Variants in COL10A1 observed in about 807,000 individuals in gnomAD.
COL10A1 encodes the protein collagen type X alpha 1 chain.
Under a neutral mutation model 18.2 loss-of-function variants are expected in COL10A1, and 10 were observed. The ratio of observed to expected loss-of-function variants is 0.55; its 90% CI spans 0.34 to 0.93. The LOEUF (loss-of-function observed/expected upper bound fraction) is 0.93. COL10A1 is among the 40% of genes least tolerant of loss of function. COL10A1 has a pLI of 0.02. For missense variants in COL10A1, 897 were observed against 853.5 expected (o/e 1.05, Z -0.64); for synonymous variants, 330 against 316.6 (o/e 1.04, Z -0.45).
At chr6:116,153,893 G>A (rs963240274) in intron 1 of COL10A1, among the ~76,000 whole-genome samples, 2 of 152,016 alleles carry the variant, frequency 1.3e-5, no homozygotes, top group Non-Finnish European at 2.9e-5. Context: ...AGCATCAAAA[G>A]GAAAAGTAAA....
In COL10A1 at chr6:116,120,013, G is replaced by C. The variant is rs556062076; in HGVS notation, c.*60C>G. ...CCTACCTCCATATGCATTTTGTAGG[G>C]TGGGGTAGAGTTAGAGAATGCTTTT... On this transcript the variant is annotated 3_prime_UTR_variant, in exon 3 of 3. Transcript: ENST00000651968. The C allele has an allele frequency of 7.3e-7, 1 of 1,375,262 alleles. No homozygotes were observed. Among genetic ancestry groups the C allele is most frequent in the East Asian group, 2.3e-5 (1 of 43,672 alleles). The allele number at this position is 1,375,262 out of a possible 1,614,324, so 85.2% of individuals were successfully genotyped here.
At chr6:116,205,195 A>T in the COL10A1 span, among the ~76,000 whole-genome samples, 774 of 152,084 alleles carry the variant, frequency 5.1e-3, 7 homozygotes, top group African/African-American at 0.017. Flanking sequence ...CCATGTCTTC[A>T]GGCTGCTAAA....
intron 1 of COL10A1, 123 bp from the exon 2 acceptor site, chr6:116,125,630 A>G: frequency 1.3e-6 from 1 of 773,904 alleles, no homozygotes; most frequent in South Asian, 1.8e-5. Context: ...ATATATTTTT[A>G]ATATGTGCCA....
the COL10A1 span, among the ~76,000 whole-genome samples, chr6:116,167,124 A>G: frequency 3.1e-4 from 47 of 151,606 alleles, no homozygotes; most frequent in Admixed American, 9.9e-4. Flanking sequence ...GATGATTTGT[A>G]TATGTTCAAC....
At chr6:116,145,596 T>A in intron 1 of COL10A1, 1 of 182,524 alleles carries the variant, frequency 5.5e-6, no homozygotes, top group Non-Finnish European at 1.2e-5. Context: ...ACCTCTTACC[T>A]AATATTTGTT....
chr6:116,149,005 G>A (rs2114390406), intron 1 of COL10A1, among the ~76,000 whole-genome samples: 1 of 152,252 alleles, frequency 6.6e-6, no homozygotes, highest in East Asian at 1.9e-4. Context: ...ACAATTCTTT[G>A]TAGACTTTCC....
the COL10A1 span, among the ~76,000 whole-genome samples, chr6:116,171,326 G>A: frequency 2.6e-5 from 4 of 152,058 alleles, no homozygotes; most frequent in Non-Finnish European, 4.4e-5. Flanking sequence ...GACTAGAAAA[G>A]CATTATTTTG....
the COL10A1 span, among the ~76,000 whole-genome samples, chr6:116,192,770 T>C: frequency 2.0e-5 from 3 of 152,080 alleles, no homozygotes; most frequent in Middle Eastern, 3.2e-3. Context: ...TATTTCTGTG[T>C]GCACATTTCC....
chr6:116,169,825 A>G, the COL10A1 span, among the ~76,000 whole-genome samples: 1 of 152,210 alleles, frequency 6.6e-6, no homozygotes, highest in Admixed American at 6.5e-5. Flanking sequence ...TGTATAGATG[A>G]TATTTATGAA....
the COL10A1 span, among the ~76,000 whole-genome samples, chr6:116,180,534 T>C: frequency 6.6e-6 from 1 of 152,134 alleles, no homozygotes; most frequent in Non-Finnish European, 1.5e-5. Flanking sequence ...CCTGAACTTA[T>C]TGCTTAATCT....
At chr6:116,126,783 A>C (rs1384303802), upstream of COL10A1, among the ~76,000 whole-genome samples, 1 of 152,170 alleles carries the variant, frequency 6.6e-6, no homozygotes, top group Non-Finnish European at 1.5e-5. Flanking sequence ...ATCTCATATT[A>C]TGTTAATTTA....
chr6:116,192,197 A>G, the COL10A1 span, among the ~76,000 whole-genome samples: 1 of 151,934 alleles, frequency 6.6e-6, no homozygotes, highest in Non-Finnish European at 1.5e-5. Context: ...CAGTTAATTA[A>G]CCTCTGTAAG....
At chr6:116,180,160 TAC>T in the COL10A1 span, among the ~76,000 whole-genome samples, 1 of 152,100 alleles carries the variant, frequency 6.6e-6, no homozygotes, top group African/African-American at 2.4e-5. Context: ...TTATTTTAAT[TAC>T]AGAGATAGTA....
At chr6:116,169,872 G>T in the COL10A1 span, among the ~76,000 whole-genome samples, 1 of 152,172 alleles carries the variant, frequency 6.6e-6, no homozygotes. Flanking sequence ...TGATAATCCA[G>T]CATTTATAGT....
Position 116,158,417 on chromosome 6 carries a change from C to T in COL10A1, c.-16+197G>A, listed in dbSNP as rs559337462. ...ATAAATGATTTACTTTTTATTTAAC[C>T]TTTGCTTAGTGAAGACAAGAAGATA... On this transcript the variant is annotated intron_variant, in intron 1 of 1. Coordinates refer to the COL10A1 transcript ENST00000418500. 3.3e-5 allele frequency among the ~76,000 whole-genome samples: 5 copies of T among 152,096 alleles called. No individual in the cohort carries two copies. In the South Asian group the frequency reaches 6.2e-4, roughly 19 times the overall value.
the COL10A1 span, among the ~76,000 whole-genome samples, chr6:116,172,640 C>G: frequency 6.6e-6 from 1 of 152,016 alleles, no homozygotes; most frequent in East Asian, 1.9e-4. Flanking sequence ...AACATATATA[C>G]TTTGTAAGGA....
the COL10A1 span, among the ~76,000 whole-genome samples, chr6:116,195,088 C>A: frequency 2.0e-5 from 3 of 152,030 alleles, no homozygotes; most frequent in Non-Finnish European, 4.4e-5. Context: ...TTTTTGCTTG[C>A]CAGCCTAGGA....
At chr6:116,190,312 A>C in the COL10A1 span, among the ~76,000 whole-genome samples, 4 of 152,134 alleles carry the variant, frequency 2.6e-5, no homozygotes, top group South Asian at 6.2e-4. Flanking sequence ...TTCCTTAAAA[A>C]ATGAGATTAT....
intron 1 of COL10A1, among the ~76,000 whole-genome samples, chr6:116,157,480 G>T (rs1780226109): frequency 6.6e-6 from 1 of 152,206 alleles, no homozygotes; most frequent in African/African-American, 2.4e-5. Flanking sequence ...AAAAATCAGT[G>T]AAGTCTTAAA....
Sources: allele counts gnomAD v4.1 joint callset (sites outside exome capture counted in the v4.1 genomes callset), GRCh38; gene constraint gnomAD v4.1.1; transcripts MANE v1.5; gene names NCBI Gene and HGNC (gene_info 2026-07-23, HGNC 2026-07-21).